The following SH3GL3 variants were observed in gnomAD, a reference collection of about 807,000 sequenced individuals.
The protein encoded by SH3GL3 is SH3 domain containing GRB2 like 3, endophilin A3, also known as endophilin-A3.
A neutral mutation model predicts 47.7 loss-of-function variants in SH3GL3; 33 were observed. The observed-to-expected ratio is 0.69, with a 90% CI of 0.52 to 0.92. The LOEUF (loss-of-function observed/expected upper bound fraction) is 0.92. SH3GL3 is among the 40% of genes least tolerant of loss of function. The pLI, the probability that SH3GL3 is intolerant of heterozygous loss-of-function variation, is 0.00. For synonymous variants in SH3GL3, 155 were observed against 148.8 expected, an observed-to-expected ratio of 1.04 and a Z score of -0.30; for missense variants, 363 against 417.8, an observed-to-expected ratio of 0.87 and a Z score of 1.14.
chr15:83,532,374 C>T (rs748701293), intron 1 of SH3GL3, among the ~76,000 whole-genome samples: 1 of 151,964 alleles, frequency 6.6e-6, no homozygotes, highest in African/African-American at 2.4e-5. Flanking sequence ...GATAGAAGGC[C>T]AAGGTTGTAA....
chr15:83,633,429 C>T, the SH3GL3 span, among the ~76,000 whole-genome samples: 1 of 152,152 alleles, frequency 6.6e-6, no homozygotes, highest in Non-Finnish European at 1.5e-5. Context: ...CAAACACTCC[C>T]TACAGGGCAA....
At chr15:83,582,118 C>T (rs1319333841) in intron 6 of SH3GL3, among the ~76,000 whole-genome samples, 2 of 152,234 alleles carry the variant, frequency 1.3e-5, no homozygotes, top group Non-Finnish European at 2.9e-5. Context: ...ACTATATCAC[C>T]CATAGGCTTG....
At position 83,613,594 on chromosome 15, in the gene SH3GL3, T is replaced by C. The variant is rs1189778516; in HGVS notation, c.839-4488T>C. On this transcript the variant is annotated intron_variant, in intron 8 of 8. Coordinates refer to ENST00000427482, the MANE Select transcript of SH3GL3 (RefSeq NM_003027.5). ...CATTTTGGTCATTGCAGGTGGCTTA[T>C]AGAGTAAATGGGAGGGAAATATATA... Among the ~76,000 whole-genome samples, 3 of 151,902 alleles carry C rather than the reference T, an allele frequency of 2.0e-5. No homozygotes were observed. The East Asian group carries it at 5.8e-4, about 29-fold the overall frequency.
At chr15:83,600,949 T>A (rs2060363020) in intron 8 of SH3GL3, among the ~76,000 whole-genome samples, 1 of 152,198 alleles carries the variant, frequency 6.6e-6, no homozygotes, top group Admixed American at 6.5e-5. Flanking sequence ...GTTTTGCAGC[T>A]ATTATAAAAG....
intron 8 of SH3GL3, among the ~76,000 whole-genome samples, chr15:83,616,037 C>A (rs188951996): frequency 7.0e-4 from 107 of 152,052 alleles, no homozygotes; most frequent in African/African-American, 2.6e-3. Context: ...CCTTTCCCTG[C>A]CCCACTGCCA....
At chr15:83,574,025 C>G (rs1176242497) in intron 5 of SH3GL3, among the ~76,000 whole-genome samples, 1 of 152,170 alleles carries the variant, frequency 6.6e-6, no homozygotes, top group African/African-American at 2.4e-5. Flanking sequence ...CTAATGCAGA[C>G]TGGGAGACTG....
chr15:83,583,006 T>G (rs2059869872), intron 6 of SH3GL3, among the ~76,000 whole-genome samples: 1 of 152,202 alleles, frequency 6.6e-6, no homozygotes, highest in Non-Finnish European at 1.5e-5. Context: ...TTCCACAGCT[T>G]CTCTGAGGAA....
At chr15:83,567,856 G>C (rs748573722) in intron 3 of SH3GL3, among the ~76,000 whole-genome samples, 1 of 152,116 alleles carries the variant, frequency 6.6e-6, no homozygotes, top group East Asian at 1.9e-4. Flanking sequence ...CTGACTTCAC[G>C]TGTCAGCAAC....
chr15:83,544,388 C>T lies in SH3GL3; in HGVS notation c.46-14865C>T, dbSNP rs536326785. On this transcript the variant is annotated intron_variant, in intron 1 of 8. Transcript: ENST00000427482. The stretch of plus-strand genomic sequence containing the variant: ...GAGAAGACACTTGATATGGTTTATC[C>T]TTGAGAATGATTGCTGAGGAGAAGA... Among the ~76,000 whole-genome samples the T allele has an allele frequency of 1.4e-3, 220 of 151,864 alleles. 1 individual carries two copies. Among genetic ancestry groups the T allele is most frequent in the African/African-American group, 5.2e-3 (217 of 41,484 alleles).
the SH3GL3 span, among the ~76,000 whole-genome samples, chr15:83,629,142 C>A: frequency 1.3e-5 from 2 of 152,126 alleles, no homozygotes; most frequent in African/African-American, 2.4e-5. Context: ...GTTAAACTAT[C>A]CATTCGTGCT....
At chr15:83,592,031 T>A (rs930982749) in intron 8 of SH3GL3, among the ~76,000 whole-genome samples, 7 of 152,214 alleles carry the variant, frequency 4.6e-5, no homozygotes, top group Admixed American at 3.3e-4. Context: ...AATGGCAGTT[T>A]CCCCATCAAC....
chr15:83,601,284 C>T (rs1024157925), intron 8 of SH3GL3, among the ~76,000 whole-genome samples: 1 of 152,086 alleles, frequency 6.6e-6, no homozygotes, highest in Non-Finnish European at 1.5e-5. Flanking sequence ...CAGTTCTCAG[C>T]GGAAATGCTT....
chr15:83,594,466 C>T (rs985332093), intron 8 of SH3GL3, among the ~76,000 whole-genome samples: 7 of 152,266 alleles, frequency 4.6e-5, no homozygotes, highest in Non-Finnish European at 7.3e-5. Context: ...GGCACATTTA[C>T]TTTATATAAT....
chr15:83,621,428 A>AG (rs2060915245), downstream of SH3GL3, among the ~76,000 whole-genome samples: 1 of 152,126 alleles, frequency 6.6e-6, no homozygotes, highest in Non-Finnish European at 1.5e-5. Flanking sequence ...GGGAAGCCTG[A>AG]GGGGGGAATG....
In SH3GL3 at chr15:83,512,397, T is replaced by C. The variant is rs926448042; in HGVS notation, c.46-46856T>C. Among the ~76,000 whole-genome samples, 7 of 152,220 alleles carry C rather than the reference T, an allele frequency of 4.6e-5. No homozygotes were observed. In the South Asian group the frequency reaches 6.2e-4, roughly 14 times the overall value. On this transcript the variant is annotated intron_variant, in intron 1 of 8. Coordinates refer to ENST00000427482, the MANE Select transcript of SH3GL3 (RefSeq NM_003027.5). Reference sequence around the variant, plus strand: ...GGCTGCTGCAAGGTCTGGGTAGTTTTCATTTCGAAACTACTCCTAGGGTGA... The same window carrying C: ...GGCTGCTGCAAGGTCTGGGTAGTTTCCATTTCGAAACTACTCCTAGGGTGA...
intron 5 of SH3GL3, 44 bp downstream of exon 5, chr15:83,572,742 G>A (rs947004050): frequency 7.1e-7 from 1 of 1,417,178 alleles, no homozygotes; most frequent in Non-Finnish European, 9.8e-7. Context: ...TACATAAGAT[G>A]ATGTTTATAT....
the SH3GL3 span, among the ~76,000 whole-genome samples, chr15:83,625,554 G>C: frequency 1.3e-5 from 2 of 152,114 alleles, no homozygotes; most frequent in Non-Finnish European, 1.5e-5. Flanking sequence ...TCCTTTCGCT[G>C]TTGTGGTTAT....
chr15:83,611,087 G>A (rs1245125764), intron 8 of SH3GL3, among the ~76,000 whole-genome samples: 5 of 151,532 alleles, frequency 3.3e-5, no homozygotes, highest in South Asian at 2.1e-4. Context: ...GAGGGGCACC[G>A]CAAATAATGT....
intron 8 of SH3GL3, among the ~76,000 whole-genome samples, chr15:83,589,646 G>A (rs2060042780): frequency 6.6e-6 from 1 of 152,072 alleles, no homozygotes; most frequent in Admixed American, 6.5e-5. Flanking sequence ...TGAAGTGCTG[G>A]GATTATAGGC....
Sources: gnomAD v4.1 joint callset for allele counts (sites outside exome capture counted in the v4.1 genomes callset) on GRCh38, gnomAD v4.1.1 for gene constraint, MANE v1.5 for transcripts, NCBI Gene and HGNC (gene_info 2026-07-23, HGNC 2026-07-21) for gene names.